The following MBIP variants were observed in gnomAD, a reference collection of about 807,000 sequenced individuals.
MBIP encodes the protein MAP3K12 binding inhibitory protein 1, also known as MAP3K12-binding inhibitory protein 1.
In MBIP, 32 loss-of-function variants were observed where a neutral mutation model predicts 45.7. The observed-to-expected ratio is 0.70, with a 90% CI of 0.53 to 0.94. MBIP has a LOEUF of 0.94. MBIP is among the 40% of genes least tolerant of loss of function. The probability of loss-of-function intolerance (pLI) is 0.00; values close to 1 mark genes in which losing one functional copy is unlikely to be tolerated. For missense variants in MBIP, 381 were observed against 405.5 expected (o/e 0.94, Z 0.52); for synonymous variants, 145 against 141.0 (o/e 1.03, Z -0.20).
intron 8 of MBIP, among the ~76,000 whole-genome samples, chr14:36,300,023 A>G (rs918029650): frequency 4.6e-5 from 7 of 152,302 alleles, no homozygotes; most frequent in African/African-American, 1.7e-4. Context: ...TGAATATACT[A>G]ATAGCCACTT....
chr14:36,320,353 C>T (rs1348689104), intron 1 of MBIP, 107 bp downstream of exon 1: 5 of 1,530,576 alleles, frequency 3.3e-6, no homozygotes, highest in South Asian at 2.3e-5. Flanking sequence ...GGGACCGCAT[C>T]CCACACCTCT....
Position 36,320,613 on chromosome 14 carries a change from A to G in MBIP, c.-25T>C. The G allele has an allele frequency of 6.3e-7, 1 of 1,575,284 alleles. No homozygotes were observed. Among genetic ancestry groups the G allele is most frequent in the Middle Eastern group, 1.9e-4 (1 of 5,342 alleles). ...TGATATCTTCTCAGGCCGCCCCACC[A>G]CCACCACCACCAAGATTTGCTCACA... On this transcript the variant is annotated 5_prime_UTR_variant, in exon 1 of 9. Transcript: ENST00000416007.
rs1304258999 is a variant in MBIP at position 36,299,086 on chromosome 14, T to A, written c.1032A>T (p.Pro344=). ...TGACAAGGATGAGAGGAGTTTTTCATGGAAGGTGGTGGGTTGCCATGGATT... is the reference window on the plus strand; with the variant it reads ...TGACAAGGATGAGAGGAGTTTTTCAAGGAAGGTGGTGGGTTGCCATGGATT... ...EAESMATHHL[P] Residue 344 remains proline (P), a synonymous_variant, in exon 9 of 9, where the codon CCA becomes CCT. Coordinates refer to ENST00000416007, the MANE Select transcript of MBIP (RefSeq NM_016586.3). 6.2e-7 allele frequency: 1 copy of A among 1,613,034 alleles called. No individual in the cohort carries two copies. Among genetic ancestry groups the A allele is most frequent in the Non-Finnish European group, 8.5e-7 (1 of 1,179,140 alleles).
chr14:36,304,331 G>A (rs10133125), intron 7 of MBIP, among the ~76,000 whole-genome samples: 123,855 of 152,178 alleles, frequency 0.81, 53,785 homozygotes, highest in East Asian at 0.96. Flanking sequence ...ACATCTACTC[G>A]ATATTGACTA....
At chr14:36,302,230 T>C (rs1021027140) in intron 7 of MBIP, among the ~76,000 whole-genome samples, 7 of 152,148 alleles carry the variant, frequency 4.6e-5, no homozygotes, top group African/African-American at 1.7e-4. Context: ...TGGTGGCTCA[T>C]GCCTGTAATC....
At chr14:36,311,826 A>T in intron 5 of MBIP, 101 bp from the exon 6 acceptor site, 1 of 1,242,784 alleles carries the variant, frequency 8.0e-7, no homozygotes, top group Non-Finnish European at 1.1e-6. Context: ...AAGACCATCT[A>T]ACCACAAGTA....
Position 36,300,815 on chromosome 14 carries a change from AG to A in MBIP, c.896del (p.Ser299LeufsTer78). ...GTGGTTGAACTTTTCTTCTTTTTCC[AG>A]AAAAGCTCTAGATTAAAAAAAAAAA... is the stretch of plus-strand genomic sequence containing the variant. ...SPEYFQSVSF[S>X]GKRRKVQPPQ... On this transcript the variant is annotated frameshift_variant, in exon 8 of 9. Transcript: ENST00000416007. LOFTEE classifies it high-confidence loss of function. 6.5e-7 allele frequency: 1 copy of A among 1,541,380 alleles called. No individual in the cohort carries two copies. The highest frequency in any genetic ancestry group is 8.8e-7 in the Non-Finnish European group (1 of 1,135,558).
rs1879362158 is a variant in MBIP, at chr14:36,298,993, A to G, written c.*90T>C. On this transcript the variant is annotated 3_prime_UTR_variant, in exon 9 of 9. Coordinates refer to ENST00000416007, the MANE Select transcript of MBIP (RefSeq NM_016586.3). ...ACCTTGACTTCACAGAGAAGTCTAC[A>G]TTGATAAATATATATCCGTTGAATT... 2.2e-6 allele frequency: 2 copies of G among 919,366 alleles called. No individual in the cohort carries two copies. The highest frequency in any genetic ancestry group is 1.6e-5 in the South Asian group (1 of 64,046). 57.0% of individuals were successfully genotyped at this position (919,366 alleles called of 1,614,324 possible).
At chr14:36,316,551 T>G (rs1438264583) in intron 2 of MBIP, 142 bp downstream of exon 2, 1 of 779,076 alleles carries the variant, frequency 1.3e-6, no homozygotes, top group African/African-American at 1.8e-5. Context: ...ATTAACAGAT[T>G]TAGATTAAAT....
intron 4 of MBIP, 77 bp downstream of exon 4, chr14:36,314,434 TA>T (rs1323707959): frequency 3.7e-6 from 3 of 816,378 alleles, no homozygotes; most frequent in Admixed American, 3.1e-5. Context: ...GCTATTCATT[TA>T]AAAAATAAAT....
chr14:36,307,732 A>G (rs1332957621), intron 7 of MBIP, among the ~76,000 whole-genome samples: 1 of 152,178 alleles, frequency 6.6e-6, no homozygotes, highest in African/African-American at 2.4e-5. Context: ...TTAAAGAGGC[A>G]GAGGGATCAC....
chr14:36,299,104 C>T lies in MBIP; in HGVS notation c.1014G>A (p.Met338Ile). 1 of 1,613,614 alleles carries T rather than the reference C, an allele frequency of 6.2e-7. No individual in the cohort carries two copies. The highest frequency in any genetic ancestry group is 8.5e-7 in the Non-Finnish European group (1 of 1,179,734). The change falls in exon 9 of 9, where the codon ATG becomes ATA. Residue 338 changes from methionine (M) to isoleucine (I), a missense_variant. Met to Ile is a conservative substitution (Grantham distance 10). Transcript: ENST00000416007. ...LLRKSREAES[M>I]ATHHLP is the part of the protein sequence containing the mutation. ...TTTTTCATGGAAGGTGGTGGGTTGC[C>T]ATGGATTCTGCTTCTCTTGATTTTC... is the stretch of plus-strand genomic sequence containing the variant.
intron 7 of MBIP, among the ~76,000 whole-genome samples, chr14:36,306,035 G>A (rs561762164): frequency 1.3e-5 from 2 of 151,994 alleles, no homozygotes; most frequent in South Asian, 2.1e-4. Context: ...TCTAAATATC[G>A]TGTTCACAAA....
chr14:36,313,996 A>C (rs556969979), intron 4 of MBIP: 1 of 152,846 alleles, frequency 6.5e-6, no homozygotes, highest in Non-Finnish European at 1.5e-5. Context: ...TGTATGCACT[A>C]TGGCAGAAAG....
chr14:36,300,251 A>G (rs2139192422), intron 8 of MBIP, among the ~76,000 whole-genome samples: 2 of 152,352 alleles, frequency 1.3e-5, no homozygotes, highest in Admixed American at 1.3e-4. Flanking sequence ...AATAGCTGCT[A>G]TCAAAAAACT....
At chr14:36,306,341 G>T (rs906001133) in intron 7 of MBIP, among the ~76,000 whole-genome samples, 11 of 152,118 alleles carry the variant, frequency 7.2e-5, no homozygotes, top group Admixed American at 7.2e-4. Flanking sequence ...CGCAACCTAA[G>T]CCTCCTGGGT....
At chr14:36,319,061 T>C (rs547083541) in intron 1 of MBIP, among the ~76,000 whole-genome samples, 15 of 152,276 alleles carry the variant, frequency 9.9e-5, no homozygotes, top group African/African-American at 3.6e-4. Context: ...TAATCACTTC[T>C]TTACTTGTAC....
intron 7 of MBIP, among the ~76,000 whole-genome samples, chr14:36,302,920 G>A (rs538312482): frequency 7.0e-4 from 106 of 152,276 alleles, no homozygotes; most frequent in African/African-American, 2.5e-3. Flanking sequence ...CTTTTCCTGG[G>A]CTAGTGACAT....
At chr14:36,303,719 G>A (rs781034321) in intron 7 of MBIP, among the ~76,000 whole-genome samples, 12 of 151,942 alleles carry the variant, frequency 7.9e-5, no homozygotes, top group Non-Finnish European at 1.6e-4. Context: ...TGAATCCAGG[G>A]AACCAGTGCT....
Sources: gnomAD v4.1 joint callset for allele counts (sites outside exome capture counted in the v4.1 genomes callset) on GRCh38, gnomAD v4.1.1 for gene constraint, MANE v1.5 for transcripts, NCBI Gene and HGNC (gene_info 2026-07-23, HGNC 2026-07-21) for gene names.